Variants in SMIM36 observed in about 807,000 individuals in gnomAD.
SMIM36 encodes the protein small integral membrane protein 36.
chr17:55,525,297 C>G, the SMIM36 span, among the ~76,000 whole-genome samples: 1 of 152,170 alleles, frequency 6.6e-6, no homozygotes, highest in Non-Finnish European at 1.5e-5. Flanking sequence ...AACTCTCCTT[C>G]CCATTACCTT....
At chr17:55,462,827 CTG>C (rs920534317) in intron 4 of SMIM36, among the ~76,000 whole-genome samples, 72 of 152,184 alleles carry the variant, frequency 4.7e-4, no homozygotes, top group Non-Finnish European at 9.7e-4. Flanking sequence ...ACTCAGGCCT[CTG>C]GGGTTATGAG....
At chr17:55,515,323 A>T (rs1910255938), upstream of SMIM36, among the ~76,000 whole-genome samples, 1 of 152,136 alleles carries the variant, frequency 6.6e-6, no homozygotes, top group Non-Finnish European at 1.5e-5. Flanking sequence ...GTAATCAAGC[A>T]GGTGGCTCAC....
At chr17:55,456,544 T>C (rs1909027334) in intron 4 of SMIM36, among the ~76,000 whole-genome samples, 1 of 152,230 alleles carries the variant, frequency 6.6e-6, no homozygotes, top group Non-Finnish European at 1.5e-5. Context: ...AGGCCACAGA[T>C]GCCTTTGAGA....
chr17:55,530,995 C>G, the SMIM36 span, among the ~76,000 whole-genome samples: 1 of 151,984 alleles, frequency 6.6e-6, no homozygotes, highest in Non-Finnish European at 1.5e-5. Flanking sequence ...ATTTAATTTC[C>G]CTTTTCTTCC....
upstream of SMIM36, among the ~76,000 whole-genome samples, chr17:55,516,314 T>C (rs1356784996): frequency 6.6e-6 from 1 of 152,206 alleles, no homozygotes; most frequent in East Asian, 1.9e-4. Flanking sequence ...TCTAAGGGTA[T>C]TGACTCTCAG....
chr17:55,526,237 G>A, the SMIM36 span, among the ~76,000 whole-genome samples: 2 of 152,054 alleles, frequency 1.3e-5, no homozygotes, highest in Non-Finnish European at 2.9e-5. Flanking sequence ...TCCACCTCCC[G>A]GCTTCAGGCG....
the SMIM36 span, among the ~76,000 whole-genome samples, chr17:55,521,521 T>G: frequency 6.6e-6 from 1 of 152,256 alleles, no homozygotes; most frequent in Non-Finnish European, 1.5e-5. Flanking sequence ...GGCTTTGGAC[T>G]TTTTATAACC....
At chr17:55,455,003 T>C (rs1305271254) in intron 4 of SMIM36, among the ~76,000 whole-genome samples, 1 of 152,222 alleles carries the variant, frequency 6.6e-6, no homozygotes, top group Non-Finnish European at 1.5e-5. Flanking sequence ...GAGAGAACTA[T>C]CTGTGCACAT....
At chr17:55,523,529 CAAAAA>C in the SMIM36 span, among the ~76,000 whole-genome samples, 1 of 62,152 alleles carries the variant, frequency 1.6e-5, no homozygotes, top group Admixed American at 1.9e-4. Context: ...GACTCCGTCT[CAAAAA>C]AAAAAAAAAA....
chr17:55,461,308 C>T (rs1909144977), intron 4 of SMIM36, among the ~76,000 whole-genome samples: 1 of 152,092 alleles, frequency 6.6e-6, no homozygotes, highest in Non-Finnish European at 1.5e-5. Flanking sequence ...AATATCCTTG[C>T]TAAAAAGAAA....
At chr17:55,459,979 G>A (rs1344400292) in intron 4 of SMIM36, among the ~76,000 whole-genome samples, 1 of 152,114 alleles carries the variant, frequency 6.6e-6, no homozygotes, top group Non-Finnish European at 1.5e-5. Flanking sequence ...GCAACAGAGT[G>A]AGACCCTGTT....
chr17:55,492,361 G>C (rs1909728487), intron 1 of SMIM36, among the ~76,000 whole-genome samples: 1 of 147,550 alleles, frequency 6.8e-6, no homozygotes, highest in Non-Finnish European at 1.5e-5. Flanking sequence ...CCCTGCCTCA[G>C]CCTCCTGAGT....
At chr17:55,473,447 T>C (rs1169157875) in intron 3 of SMIM36, among the ~76,000 whole-genome samples, 1 of 152,168 alleles carries the variant, frequency 6.6e-6, no homozygotes, top group Non-Finnish European at 1.5e-5. Context: ...TCTTCCCTTC[T>C]AACAGATATA....
At chr17:55,470,357 G>T (rs1909321982) in intron 3 of SMIM36, among the ~76,000 whole-genome samples, 1 of 152,256 alleles carries the variant, frequency 6.6e-6, no homozygotes, top group East Asian at 1.9e-4. Context: ...CATCATAGAT[G>T]CCGAGCTTTG....
At chr17:55,530,523 G>T in the SMIM36 span, among the ~76,000 whole-genome samples, 1 of 152,186 alleles carries the variant, frequency 6.6e-6, no homozygotes, top group Non-Finnish European at 1.5e-5. Flanking sequence ...GGTGGCTCAC[G>T]CTTGTAATCC....
chr17:55,515,085 TG>T (rs372321751), upstream of SMIM36, among the ~76,000 whole-genome samples: 2,372 of 30,454 alleles, frequency 0.078, 485 homozygotes, highest in African/African-American at 0.13. Context: ...TCTAGTCTAG[TG>T]TTTTTTTTTT....
chr17:55,478,887 T>C (rs1333241708), intron 2 of SMIM36, 74 bp from the exon 3 acceptor site: 1 of 152,168 alleles, frequency 6.6e-6, no homozygotes, highest in Non-Finnish European at 1.5e-5. Context: ...ATCTGTCATA[T>C]TGGTGTTTAA....
At chr17:55,489,313 G>T (rs952494769) in intron 1 of SMIM36, among the ~76,000 whole-genome samples, 1 of 151,988 alleles carries the variant, frequency 6.6e-6, no homozygotes, top group African/African-American at 2.4e-5. Context: ...GGGAGGTGGA[G>T]GTTGCAGTGA....
chr17:55,493,907 C>G (rs1381900350), intron 1 of SMIM36, among the ~76,000 whole-genome samples: 1 of 149,194 alleles, frequency 6.7e-6, no homozygotes. Context: ...GAATCACTTT[C>G]TCAACCCTCA....
Sources: gnomAD v4.1 joint callset for allele counts (sites outside exome capture counted in the v4.1 genomes callset) on GRCh38, gnomAD v4.1.1 for gene constraint, MANE v1.5 for transcripts, NCBI Gene and HGNC (gene_info 2026-07-23, HGNC 2026-07-21) for gene names.